The following FAM135B variants were observed in gnomAD, a reference collection of about 807,000 sequenced individuals.
The protein encoded by FAM135B is family with sequence similarity 135 member B.
Under a neutral mutation model 127.7 loss-of-function variants are expected in FAM135B, and 43 were observed. The ratio of observed to expected loss-of-function variants is 0.34; its 90% confidence interval spans 0.26 to 0.43. FAM135B has a LOEUF of 0.43. Among genes scored for constraint, FAM135B ranks in the 20% least tolerant of loss-of-function variants. The pLI, the probability that FAM135B is intolerant of heterozygous loss-of-function variation, is 1.00. For missense variants in FAM135B, 1,558 were observed against 1,725.6 expected (o/e 0.90, Z 1.72); for synonymous variants, 670 against 665.1 (o/e 1.01, Z -0.11).
chr8:138,483,504 A>C (rs1814867515), intron 1 of FAM135B, among the ~76,000 whole-genome samples: 1 of 152,234 alleles, frequency 6.6e-6, no homozygotes, highest in Admixed American at 6.5e-5. Context: ...GTGAATCTGA[A>C]TCCATGAGGA....
intron 1 of FAM135B, among the ~76,000 whole-genome samples, chr8:138,421,332 TA>T (rs1834497350): frequency 6.6e-6 from 1 of 152,028 alleles, no homozygotes; most frequent in African/African-American, 2.4e-5. Flanking sequence ...TATATCTAAA[TA>T]GGGAAAAGGT....
chr8:138,423,991 C>A (rs374523033), intron 1 of FAM135B, among the ~76,000 whole-genome samples: 1 of 152,318 alleles, frequency 6.6e-6, no homozygotes, highest in Admixed American at 6.5e-5. Flanking sequence ...TTCTGCCCAG[C>A]TCACCAGCGG....
intron 7 of FAM135B, among the ~76,000 whole-genome samples, chr8:138,240,899 C>G (rs1820708724): frequency 6.6e-6 from 1 of 152,126 alleles, no homozygotes; most frequent in East Asian, 1.9e-4. Flanking sequence ...TCTGTGACCA[C>G]TGACATTCCC....
Position 138,337,439 on chromosome 8 carries a change from T to A in FAM135B, c.78-26519A>T, listed in dbSNP as rs1371024899. Among the ~76,000 whole-genome samples, 4 of 151,916 alleles carry A rather than the reference T, an allele frequency of 2.6e-5. No individual in the cohort carries two copies. In the East Asian group the frequency reaches 7.7e-4, roughly 29 times the overall value. On this transcript the variant is annotated intron_variant, in intron 2 of 19. Transcript: ENST00000395297. ...AGGATACAAAATCAATGTACAAAAA[T>A]CACAAGCATTCTTATACACCAATAG...
chr8:138,208,629 G>T (rs189845390), intron 7 of FAM135B, among the ~76,000 whole-genome samples: 1 of 152,364 alleles, frequency 6.6e-6, no homozygotes, highest in East Asian at 1.9e-4. Context: ...CCAGGGTCAA[G>T]TCCAGGCTTT....
intron 1 of FAM135B, among the ~76,000 whole-genome samples, chr8:138,445,407 A>T (rs1461247912): frequency 6.6e-6 from 1 of 152,194 alleles, no homozygotes; most frequent in Non-Finnish European, 1.5e-5. Context: ...ATCCTCAATA[A>T]AATACTGGCA....
At chr8:138,262,830 A>G (rs1200370685) in intron 4 of FAM135B, among the ~76,000 whole-genome samples, 1 of 142,176 alleles carries the variant, frequency 7.0e-6, no homozygotes, top group Non-Finnish European at 1.5e-5. Flanking sequence ...TGAACCCAAG[A>G]GGCGGAGGTT....
At chr8:138,159,372 AG>A (rs1819126235) in intron 12 of FAM135B, among the ~76,000 whole-genome samples, 1 of 150,364 alleles carries the variant, frequency 6.7e-6, no homozygotes, top group Admixed American at 6.7e-5. Context: ...CATCAATGAT[AG>A]ACTGGATGAA....
intron 1 of FAM135B, among the ~76,000 whole-genome samples, chr8:138,392,182 T>A (rs979400698): frequency 2.0e-5 from 3 of 152,230 alleles, no homozygotes; most frequent in African/African-American, 7.2e-5. Flanking sequence ...TCTTTGAAAC[T>A]GCCTTTGCAA....
At chr8:138,489,822 C>A (rs1333795819) in intron 1 of FAM135B, among the ~76,000 whole-genome samples, 1 of 152,186 alleles carries the variant, frequency 6.6e-6, no homozygotes, top group African/African-American at 2.4e-5. Flanking sequence ...CCCCCGACTC[C>A]TTATCCCACG....
At chr8:138,433,241 C>T (rs1255627373) in intron 1 of FAM135B, among the ~76,000 whole-genome samples, 1 of 152,026 alleles carries the variant, frequency 6.6e-6, no homozygotes, top group East Asian at 1.9e-4. Flanking sequence ...ATTATTAAGG[C>T]CGGGCACGGT....
chr8:138,287,300 G>C (rs1009651161), intron 3 of FAM135B, among the ~76,000 whole-genome samples: 10 of 152,106 alleles, frequency 6.6e-5, no homozygotes, highest in Non-Finnish European at 4.4e-5. Flanking sequence ...AACATGAGAA[G>C]ATGGTCAACC....
At chr8:138,222,323 C>G (rs971987548) in intron 7 of FAM135B, among the ~76,000 whole-genome samples, 2 of 152,136 alleles carry the variant, frequency 1.3e-5, no homozygotes, top group Non-Finnish European at 2.9e-5. Flanking sequence ...TGCTTCTTAA[C>G]TCTTATCACA....
intron 1 of FAM135B, among the ~76,000 whole-genome samples, chr8:138,384,179 T>G (rs1446497897): frequency 6.6e-6 from 1 of 152,126 alleles, no homozygotes; most frequent in Non-Finnish European, 1.5e-5. Flanking sequence ...TTGATACCAT[T>G]CCACTCACTG....
chr8:138,188,364 G>A (rs1309830463), intron 9 of FAM135B, among the ~76,000 whole-genome samples: 3 of 152,146 alleles, frequency 2.0e-5, no homozygotes, highest in Non-Finnish European at 4.4e-5. Flanking sequence ...TGTCTTATGG[G>A]GCTGCACCCC....
intron 11 of FAM135B, among the ~76,000 whole-genome samples, chr8:138,175,661 T>C (rs993035560): frequency 6.6e-6 from 1 of 152,198 alleles, no homozygotes; most frequent in Non-Finnish European, 1.5e-5. Context: ...GAAAGGCAGT[T>C]TGTCCTTTGT....
At chr8:138,294,826 T>C (rs907316939) in intron 3 of FAM135B, among the ~76,000 whole-genome samples, 6 of 152,224 alleles carry the variant, frequency 3.9e-5, no homozygotes, top group African/African-American at 1.4e-4. Context: ...TGAGTCAGAA[T>C]ACCAGCTTTG....
At chr8:138,464,638 A>T (rs1478615701) in intron 1 of FAM135B, among the ~76,000 whole-genome samples, 1 of 152,210 alleles carries the variant, frequency 6.6e-6, no homozygotes, top group Non-Finnish European at 1.5e-5. Flanking sequence ...TCCGAAATGG[A>T]AAAAACCAGA....
At chr8:138,334,493 T>C (rs1321002806) in intron 2 of FAM135B, among the ~76,000 whole-genome samples, 3 of 152,226 alleles carry the variant, frequency 2.0e-5, no homozygotes, top group African/African-American at 7.2e-5. Context: ...ATCACCATGG[T>C]ATTAAGCCCA....
Sources: allele counts gnomAD v4.1 joint callset (sites outside exome capture counted in the v4.1 genomes callset), GRCh38; gene constraint gnomAD v4.1.1; transcripts MANE v1.5; gene names NCBI Gene and HGNC (gene_info 2026-07-23, HGNC 2026-07-21).